Variants in ABCA1 observed in about 807,000 individuals in gnomAD.
ABCA1 encodes the protein ATP binding cassette subfamily A member 1.
In ABCA1, 133 loss-of-function variants were observed where a neutral mutation model predicts 262.5. That is an observed-to-expected ratio of 0.51 (90% CI 0.44 to 0.59). ABCA1 has a LOEUF of 0.59. Among genes scored for constraint, ABCA1 ranks in the 20% least tolerant of loss-of-function variants. The probability of loss-of-function intolerance (pLI) is 0.00; values close to 1 mark genes in which losing one functional copy is unlikely to be tolerated. For synonymous variants in ABCA1, 1,022 were observed against 1,043.5 expected (o/e 0.98, Z 0.40); for missense variants, 2,452 against 2,777.5 (o/e 0.88, Z 2.63).
chr9:104,821,098 C>A (rs148117013), intron 20 of ABCA1, among the ~76,000 whole-genome samples: 4 of 152,216 alleles, frequency 2.6e-5, no homozygotes, highest in African/African-American at 9.6e-5. Flanking sequence ...CAAAAATTAG[C>A]TGGGCATGGT....
intron 34 of ABCA1, among the ~76,000 whole-genome samples, chr9:104,801,845 C>T (rs1476174893): frequency 1.3e-5 from 2 of 152,190 alleles, no homozygotes; most frequent in African/African-American, 4.8e-5. Context: ...CTCCTGGCCT[C>T]TGGATTTGTT....
At chr9:104,861,932 G>T (rs1035555002) in intron 5 of ABCA1, 132 bp from the exon 6 acceptor site, 12 of 815,932 alleles carry the variant, frequency 1.5e-5, no homozygotes, top group Non-Finnish European at 2.4e-5. Context: ...AACACACACA[G>T]GAATGAGATA....
At chr9:104,847,859 A>G (rs1277927025) in intron 7 of ABCA1, among the ~76,000 whole-genome samples, 1 of 152,264 alleles carries the variant, frequency 6.6e-6, no homozygotes, top group Non-Finnish European at 1.5e-5. Context: ...GATATGCATA[A>G]TAGGTTGTGT....
intron 33 of ABCA1, among the ~76,000 whole-genome samples, chr9:104,802,890 A>C (rs1184228103): frequency 6.6e-6 from 1 of 152,178 alleles, no homozygotes; most frequent in Non-Finnish European, 1.5e-5. Context: ...ATTGTCCTTG[A>C]GTCCTTAAGA....
At chr9:104,847,934 C>CT (rs1156748803) in intron 7 of ABCA1, among the ~76,000 whole-genome samples, 1 of 152,124 alleles carries the variant, frequency 6.6e-6, no homozygotes, top group East Asian at 1.9e-4. Flanking sequence ...GACATACATA[C>CT]ACACATATAT....
At position 104,806,363 on chromosome 9, in the gene ABCA1, G is replaced by A; in HGVS notation, c.4342C>T (p.Leu1448Phe). The A allele has an allele frequency of 6.2e-7, 1 of 1,614,198 alleles. No homozygotes were observed. The highest frequency in any genetic ancestry group is 1.1e-5 in the South Asian group (1 of 91,078). The part of the protein sequence containing the change: ...TAPVPQTIMD[L>F]FQNGNWTMQN... ...ATTGTCCAGTTCCCATTCTGGAAGA[G>A]GTCCATGATGGTCTGGGGAACTGGG... The change falls in exon 31 of 50, where the codon CTC (leucine) becomes TTC (phenylalanine). Residue 1448 changes from leucine (L) to phenylalanine (F), a missense_variant. By Grantham distance (22) the Leu-to-Phe change is conservative. Around this residue, in one of 4 missense-constraint regions of ABCA1, gnomAD observed 665 missense variants for 727.3 expected, o/e 0.91. Transcript: ENST00000374736.
At chr9:104,795,940 G>T in intron 39 of ABCA1, 113 bp downstream of exon 39, 1 of 1,424,786 alleles carries the variant, frequency 7.0e-7, no homozygotes, top group Non-Finnish European at 9.8e-7. Context: ...ACAGGACAAG[G>T]CAGTCAGCAG....
intron 1 of ABCA1, among the ~76,000 whole-genome samples, chr9:104,916,914 C>G (rs376018952): frequency 2.0e-5 from 3 of 152,298 alleles, no homozygotes; most frequent in African/African-American, 7.2e-5. Flanking sequence ...CTGTTTGGGA[C>G]TTGGGTATTC....
chr9:104,909,607 T>TACACACACAC (rs59524252), intron 1 of ABCA1, among the ~76,000 whole-genome samples: 18 of 134,060 alleles, frequency 1.3e-4, no homozygotes, highest in South Asian at 5.1e-4. Context: ...GCAAAAGAAA[T>TACACACACAC]ACACACACAC....
chr9:104,905,324 A>T (rs954464483), intron 1 of ABCA1, among the ~76,000 whole-genome samples: 2 of 152,220 alleles, frequency 1.3e-5, no homozygotes, highest in Non-Finnish European at 1.5e-5. Flanking sequence ...CTAGTAGAAC[A>T]ATACCCTTTT....
intron 30 of ABCA1, 123 bp from the exon 31 acceptor site, chr9:104,806,553 A>G: frequency 1.0e-6 from 1 of 956,954 alleles, no homozygotes; most frequent in South Asian, 1.4e-5. Context: ...CCATTTGGAA[A>G]AGACAAGCAT....
intron 42 of ABCA1, 85 bp downstream of exon 42, chr9:104,792,701 T>C (rs1238797466): frequency 5.5e-5 from 87 of 1,588,104 alleles, no homozygotes; most frequent in Non-Finnish European, 9.5e-6. Flanking sequence ...TGCCCTTTTA[T>C]TAAGCAAGTC....
rs144675692 is a variant in ABCA1, at chr9:104,913,377, T to A, written c.-92-9606A>T. Among the ~76,000 whole-genome samples the A allele has an allele frequency of 3.3e-3, 498 of 152,296 alleles. 4 individuals carry two copies. Among genetic ancestry groups the A allele is most frequent in the African/African-American group, 0.012 (479 of 41,562 alleles). On this transcript the variant is annotated intron_variant, in intron 1 of 49. Coordinates refer to ENST00000374736, the MANE Select transcript of ABCA1 (RefSeq NM_005502.4). ...ACCCTAGGGACTCTGAGCCCCTGTA[T>A]CTTCTCCAAAAAATAGAACTGATAA...
intron 1 of ABCA1, among the ~76,000 whole-genome samples, chr9:104,926,904 T>C (rs1366019069): frequency 6.6e-6 from 1 of 152,112 alleles, no homozygotes; most frequent in Non-Finnish European, 1.5e-5. Flanking sequence ...CTCTCCTAAG[T>C]CTTGTTTTTA....
At position 104,809,676 on chromosome 9, in the gene ABCA1, T is replaced by TC. The variant is rs1831096489; in HGVS notation, c.4176-113dup. 5.1e-6 allele frequency: 5 copies of TC among 981,154 alleles called. No individual in the cohort carries two copies. In the East Asian group the frequency reaches 1.1e-4, roughly 21 times the overall value. The allele number at this position is 981,154 out of a possible 1,614,324, so 60.8% of individuals were successfully genotyped here. A position where few individuals can be genotyped will look rare whatever the true frequency, so the allele number is the denominator to read the frequency against. On this transcript the variant is annotated intron_variant, in intron 29 of 49. Coordinates refer to ENST00000374736, the MANE Select transcript of ABCA1 (RefSeq NM_005502.4). ...TAGGAAGCATTTCTCTGTGACAGGCTCTTAAAACAGAAATGAACAAAACAC... is the reference window on the plus strand; with the variant it reads ...TAGGAAGCATTTCTCTGTGACAGGCTCCTTAAAACAGAAATGAACAAAACAC...
chr9:104,785,373 C>G (rs1450517772), intron 49 of ABCA1, 23 bp downstream of exon 49: 1 of 1,613,572 alleles, frequency 6.2e-7, no homozygotes, highest in South Asian at 1.1e-5. Flanking sequence ...AGAAGTAAAT[C>G]TGTTTTGACA....
rs1041339315 is a variant in ABCA1 at position 104,790,942 on chromosome 9, A to T, written c.5907T>A (p.Asp1969Glu). The T allele has an allele frequency of 6.2e-7, 1 of 1,613,266 alleles. No homozygotes were observed. ...LTGDTTVTRG[D>E]AFLNKNSILS... is the part of the protein sequence containing the mutation. Reference sequence around the variant, plus strand: ...CTCACCTATTTTTGTTAAGGAAAGCATCTCCTCTGGTAACAGTGGTATCTC... The same window carrying T: ...CTCACCTATTTTTGTTAAGGAAAGCTTCTCCTCTGGTAACAGTGGTATCTC... The change falls in exon 44 of 50, where the codon GAT becomes GAA. Residue 1969 changes from aspartate (D) to glutamate (E), a missense_variant. Coordinates refer to ENST00000374736, the MANE Select transcript of ABCA1 (RefSeq NM_005502.4).
At chr9:104,789,180 C>T (rs1029591442) in intron 44 of ABCA1, among the ~76,000 whole-genome samples, 3 of 152,200 alleles carry the variant, frequency 2.0e-5, no homozygotes, top group East Asian at 1.9e-4. Flanking sequence ...CTAATTAGCA[C>T]CCCCAGGGTC....
At chr9:104,859,777 G>A (rs1836180416) in intron 6 of ABCA1, among the ~76,000 whole-genome samples, 1 of 152,164 alleles carries the variant, frequency 6.6e-6, no homozygotes, top group Non-Finnish European at 1.5e-5. Context: ...CAGGCCGGGT[G>A]CAGTGGGTCA....
Sources: gnomAD v4.1 joint callset for allele counts (sites outside exome capture counted in the v4.1 genomes callset) on GRCh38, gnomAD v4.1.1 for gene constraint, gnomAD v4.1.1 regional missense constraint, MANE v1.5 for transcripts, NCBI Gene and HGNC (gene_info 2026-07-23, HGNC 2026-07-21) for gene names.